FAM193A: variants seen among roughly 807,000 people sequenced by gnomAD.
The protein encoded by FAM193A is protein FAM193A.
Under a neutral mutation model 126.5 loss-of-function variants are expected in FAM193A, and 22 were observed. The observed-to-expected ratio is 0.17, with a 90% CI of 0.12 to 0.25. The LOEUF (loss-of-function observed/expected upper bound fraction) is 0.25. FAM193A is among the 10% of genes least tolerant of loss of function. The probability of loss-of-function intolerance (pLI) is 1.00; values close to 1 mark genes in which losing one functional copy is unlikely to be tolerated. For synonymous variants in FAM193A, 761 were observed against 646.8 expected, an observed-to-expected ratio of 1.18 and a Z score of -2.68; for missense variants, 1,675 against 1,672.8, an observed-to-expected ratio of 1.00 and a Z score of -0.02.
At chr4:2,550,839 C>T (rs1737877504) in intron 1 of FAM193A, among the ~76,000 whole-genome samples, 1 of 147,594 alleles carries the variant, frequency 6.8e-6, no homozygotes, top group Non-Finnish European at 1.5e-5. Context: ...CTTGCTCTGT[C>T]TCCCAGGCTG....
chr4:2,631,044 A>C lies in FAM193A; in HGVS notation c.913A>C (p.Lys305Gln). 1.2e-6 allele frequency: 2 copies of C among 1,613,548 alleles called. No individual in the cohort carries two copies. The highest frequency in any genetic ancestry group is 2.2e-5 in the South Asian group (2 of 91,080). ...RLLRQLSAAAKVKAPSGLQGP... is the reference protein window; with the variant it reads ...RLLRQLSAAAQVKAPSGLQGP... ...GCTCCGGCAGCTGTCGGCTGCGGCC[A>C]AGGTGAAGGCACCATCTGGCCTGCA... Residue 305 changes from lysine (K) to glutamine (Q), a missense_variant, in exon 5 of 21, where the codon AAG (lysine) becomes CAG (glutamine). Physicochemically the swap from Lys to Gln is moderately conservative, Grantham distance 53. Transcript: ENST00000637812.
chr4:2,712,643 A>G (rs773722421), intron 19 of FAM193A, among the ~76,000 whole-genome samples: 55 of 152,184 alleles, frequency 3.6e-4, no homozygotes, highest in Non-Finnish European at 6.6e-4. Context: ...AGCCAAATTG[A>G]AAATCTTCTT....
intron 1 of FAM193A, among the ~76,000 whole-genome samples, chr4:2,575,465 A>ATT (rs33996164): frequency 0.062 from 8,429 of 135,310 alleles, 289 homozygotes; most frequent in South Asian, 0.082. Context: ...AGATACTGGG[A>ATT]TTTTTTTTTT....
At chr4:2,665,937 C>G (rs767005114) in intron 12 of FAM193A, among the ~76,000 whole-genome samples, 9 of 152,144 alleles carry the variant, frequency 5.9e-5, no homozygotes, top group Non-Finnish European at 1.3e-4. Flanking sequence ...AGCTCTGCCT[C>G]CCAGGTTCAT....
chr4:2,642,502 C>G (rs932144253), intron 6 of FAM193A, among the ~76,000 whole-genome samples: 10 of 152,212 alleles, frequency 6.6e-5, no homozygotes, highest in Middle Eastern at 3.4e-3. Flanking sequence ...AGAGAATTCA[C>G]AGTGGTGAAT....
chr4:2,573,281 G>A (rs994478625), intron 1 of FAM193A, among the ~76,000 whole-genome samples: 1 of 152,032 alleles, frequency 6.6e-6, no homozygotes. Context: ...GGGAGGCTGA[G>A]GCTGGCAGAT....
At chr4:2,651,233 G>C (rs945569232) in intron 7 of FAM193A, among the ~76,000 whole-genome samples, 7 of 152,190 alleles carry the variant, frequency 4.6e-5, no homozygotes, top group South Asian at 2.1e-4. Context: ...AGGAGGCTGA[G>C]GCAGGAGAGT....
intron 2 of FAM193A, among the ~76,000 whole-genome samples, chr4:2,615,544 G>A (rs1456139814): frequency 1.3e-5 from 2 of 152,012 alleles, no homozygotes; most frequent in African/African-American, 4.8e-5. Context: ...TTTTGAGACG[G>A]AGCCTCACTC....
chr4:2,571,351 C>T (rs749680567), intron 1 of FAM193A, among the ~76,000 whole-genome samples: 27 of 152,272 alleles, frequency 1.8e-4, no homozygotes, highest in Admixed American at 1.1e-3. Context: ...AGATGTGGCA[C>T]CACCTTGCCA....
At chr4:2,562,959 T>C (rs1435112649) in intron 1 of FAM193A, among the ~76,000 whole-genome samples, 1 of 151,124 alleles carries the variant, frequency 6.6e-6, no homozygotes, top group Non-Finnish European at 1.5e-5. Flanking sequence ...TTTTTTGTTT[T>C]TTTGAGACGG....
chr4:2,563,354 A>G (rs891398535), intron 1 of FAM193A, among the ~76,000 whole-genome samples: 2 of 152,194 alleles, frequency 1.3e-5, no homozygotes, highest in South Asian at 2.1e-4. Flanking sequence ...TTGGCATTTA[A>G]TGAGCACTCA....
At chr4:2,588,138 A>G (rs889347181) in intron 1 of FAM193A, among the ~76,000 whole-genome samples, 4 of 152,134 alleles carry the variant, frequency 2.6e-5, no homozygotes, top group Non-Finnish European at 5.9e-5. Context: ...CACAGAGTCC[A>G]TGTCCCTGTT....
At chr4:2,546,605 T>G (rs1236860598) in intron 1 of FAM193A, among the ~76,000 whole-genome samples, 1 of 152,210 alleles carries the variant, frequency 6.6e-6, no homozygotes, top group East Asian at 1.9e-4. Flanking sequence ...TATCAGTAGC[T>G]TGTTCTTTTT....
At chr4:2,541,180 G>A (rs1449328394) in intron 1 of FAM193A, among the ~76,000 whole-genome samples, 3 of 151,806 alleles carry the variant, frequency 2.0e-5, no homozygotes, top group African/African-American at 7.3e-5. Flanking sequence ...TGAGGCAGGA[G>A]AATCGCTTGA....
At chr4:2,624,722 T>C (rs2108974633) in intron 2 of FAM193A, among the ~76,000 whole-genome samples, 1 of 152,350 alleles carries the variant, frequency 6.6e-6, no homozygotes. Flanking sequence ...AAAAAATTTA[T>C]ATAGAGATGA....
At position 2,659,642 on chromosome 4, in the gene FAM193A, G is replaced by A. The variant is rs756424457; in HGVS notation, c.1474G>A (p.Asp492Asn). 17 of 1,614,074 alleles carry A rather than the reference G, an allele frequency of 1.1e-5. No individual in the cohort carries two copies. The highest frequency in any genetic ancestry group is 1.4e-5 in the Non-Finnish European group (16 of 1,179,954). ...HMLSSRLSMPDCPNCNYRRRC... is the reference protein window; with the variant it reads ...HMLSSRLSMPNCPNCNYRRRC... ...GTTATCGTCCCGGCTGAGCATGCCCGACTGCCCCAACTGCAACTACAGGAG... is the reference window on the plus strand; with the variant it reads ...GTTATCGTCCCGGCTGAGCATGCCCAACTGCCCCAACTGCAACTACAGGAG... Residue 492 changes from aspartate (D) to asparagine (N), a missense_variant, in exon 9 of 21, where the codon GAC becomes AAC. By Grantham distance (23) the Asp-to-Asn change is conservative (BLOSUM62 1). Transcript: ENST00000637812.
intron 20 of FAM193A, among the ~76,000 whole-genome samples, chr4:2,730,844 G>C (rs931207328): frequency 3.9e-5 from 6 of 152,036 alleles, no homozygotes; most frequent in African/African-American, 1.4e-4. Flanking sequence ...AGTGAGCCAA[G>C]ATCGTGCCAC....
intron 5 of FAM193A, among the ~76,000 whole-genome samples, chr4:2,634,598 A>G (rs1743912421): frequency 6.6e-6 from 1 of 152,262 alleles, no homozygotes; most frequent in Non-Finnish European, 1.5e-5. Flanking sequence ...TTAATACTCT[A>G]AAGAATGATA....
chr4:2,561,704 C>T (rs1328704937), intron 1 of FAM193A, among the ~76,000 whole-genome samples: 3 of 151,838 alleles, frequency 2.0e-5, no homozygotes, highest in Admixed American at 1.3e-4. Flanking sequence ...ACCGTGTTGG[C>T]CAGGCTGGTC....
Sources: allele counts gnomAD v4.1 joint callset (sites outside exome capture counted in the v4.1 genomes callset), GRCh38; gene constraint gnomAD v4.1.1; transcripts MANE v1.5; gene names NCBI Gene and HGNC (gene_info 2026-07-23, HGNC 2026-07-21).